The following DUSP4 variants were observed in gnomAD, a reference collection of about 807,000 sequenced individuals.
DUSP4 encodes the protein dual specificity protein phosphatase 4.
A neutral mutation model predicts 27.2 loss-of-function variants in DUSP4; 12 were observed. The observed-to-expected ratio is 0.44, with a 90% CI of 0.28 to 0.71. The LOEUF is 0.71. DUSP4 is among the 30% of genes least tolerant of loss of function. The probability of loss-of-function intolerance (pLI) is 0.14; values close to 1 mark genes in which losing one functional copy is unlikely to be tolerated. For missense variants in DUSP4, 448 were observed against 551.3 expected (o/e 0.81, Z 1.88); for synonymous variants, 257 against 245.2 (o/e 1.05, Z -0.45).
intron 1 of DUSP4, 35 bp from the exon 2 acceptor site, chr8:29,340,278 C>A: frequency 6.4e-7 from 1 of 1,560,746 alleles, no homozygotes; most frequent in South Asian, 1.2e-5. Context: ...TTAATGGGGT[C>A]ACTAAGCCAG....
chr8:29,338,176 T>G (rs1174275090), intron 3 of DUSP4, 106 bp downstream of exon 3: 3 of 1,184,578 alleles, frequency 2.5e-6, no homozygotes, highest in Non-Finnish European at 3.7e-6. Context: ...ATGGGGACCC[T>G]TGGATTCAGT....
intron 1 of DUSP4, among the ~76,000 whole-genome samples, chr8:29,345,074 C>T (rs766062027): frequency 6.6e-6 from 1 of 152,170 alleles, no homozygotes; most frequent in African/African-American, 2.4e-5. Context: ...CTGCCTGCCT[C>T]AGTCTCTCAA....
chr8:29,340,686 G>C (rs968997359), intron 1 of DUSP4, among the ~76,000 whole-genome samples: 4 of 152,072 alleles, frequency 2.6e-5, no homozygotes, highest in Non-Finnish European at 4.4e-5. Flanking sequence ...AGAAAGAAGG[G>C]AAAAAATGAC....
In DUSP4 at chr8:29,337,303, A is replaced by T; in HGVS notation, c.908T>A (p.Leu303Gln). 6.2e-7 allele frequency: 1 copy of T among 1,613,276 alleles called. No homozygotes were observed. The highest frequency in any genetic ancestry group is 8.5e-7 in the Non-Finnish European group (1 of 1,180,000). The part of the protein sequence containing the change: ...AYLMMKKRVR[L>Q]EEAFEFVKQR... ...CTTAACGAACTCGAAGGCCTCCTCC[A>T]GCCTCACCCGTTTCTTCATCATCAG... is the stretch of plus-strand genomic sequence containing the variant. Residue 303 changes from leucine to glutamine, a missense_variant, in exon 4 of 4, where the codon CTG becomes CAG. Coordinates refer to ENST00000240100, the MANE Select transcript of DUSP4 (RefSeq NM_001394.7). The surrounding 1 kb of genome is among the most constrained non-coding windows in gnomAD (Gnocchi z 6.4).
In DUSP4 at chr8:29,337,274, G is replaced by A. The variant is rs749288021; in HGVS notation, c.937C>T (p.Arg313Cys). The A allele has an allele frequency of 1.2e-6, 2 of 1,613,626 alleles. No individual in the cohort carries two copies. Among genetic ancestry groups the A allele is most frequent in the South Asian group, 1.1e-5 (1 of 91,080 alleles). Residue 313 changes from arginine (R) to cysteine (C), a missense_variant, in exon 4 of 4, where the codon CGC becomes TGC. By Grantham distance (180) the Arg-to-Cys change is radical. Around this residue, in one of 3 missense-constraint regions of DUSP4, gnomAD observed 100 missense variants for 139.8 expected, o/e 0.72. Coordinates refer to ENST00000240100, the MANE Select transcript of DUSP4 (RefSeq NM_001394.7). This position sits in a 1 kb window ranked among gnomAD's most constrained non-coding sequence, Gnocchi z 6.4. ...LEEAFEFVKQ[R>C]RSIISPNFSF... ...AAGTTGGGCGAGATGATGCTGCGGCGCTGCTTAACGAACTCGAAGGCCTCC... is the reference window on the plus strand; with the variant it reads ...AAGTTGGGCGAGATGATGCTGCGGCACTGCTTAACGAACTCGAAGGCCTCC...
intron 1 of DUSP4, chr8:29,347,889 C>A: frequency 1.0e-6 from 1 of 985,618 alleles, no homozygotes; most frequent in Non-Finnish European, 1.2e-6. Context: ...GGAGGGAGGA[C>A]TCTCAACGGG....
At position 29,336,868 on chromosome 8, in the gene DUSP4, T is replaced by G. The variant is rs1175055936; in HGVS notation, c.*158A>C. The stretch of plus-strand genomic sequence containing the variant: ...TTTTATTATGTATTCGGAGTCCTTA[T>G]TGCCATTCTGGCTGGCCTCGTCGTT... On this transcript the variant is annotated 3_prime_UTR_variant, in exon 4 of 4. Transcript: ENST00000240100. 9.3e-7 allele frequency: 1 copy of G among 1,070,430 alleles called. No homozygotes were observed. Among genetic ancestry groups the G allele is most frequent in the Non-Finnish European group, 1.3e-6 (1 of 770,528 alleles). 66.3% of individuals were successfully genotyped at this position (1,070,430 alleles called of 1,614,324 possible).
At chr8:29,347,337 T>A (rs571855922) in intron 1 of DUSP4, among the ~76,000 whole-genome samples, 1 of 152,280 alleles carries the variant, frequency 6.6e-6, no homozygotes, top group East Asian at 1.9e-4. Context: ...TTCTGACCTC[T>A]CTAGGGATGC....
At chr8:29,346,431 G>A (rs1422787461) in intron 1 of DUSP4, among the ~76,000 whole-genome samples, 3 of 152,190 alleles carry the variant, frequency 2.0e-5, no homozygotes, top group East Asian at 1.9e-4. Context: ...GGTTAATAAA[G>A]GCAAAGAATA....
intron 1 of DUSP4, among the ~76,000 whole-genome samples, chr8:29,346,319 T>A (rs1198597784): frequency 6.6e-6 from 1 of 152,166 alleles, no homozygotes; most frequent in Non-Finnish European, 1.5e-5. Flanking sequence ...AGCTTTTAAA[T>A]TAGAACTGAC....
intron 2 of DUSP4, 152 bp downstream of exon 2, chr8:29,339,946 G>C: frequency 9.4e-7 from 1 of 1,068,294 alleles, no homozygotes; most frequent in South Asian, 1.7e-5. Context: ...GCTGCAGTAA[G>C]CTATGATCAC....
chr8:29,340,272 T>C (rs1333287369), intron 1 of DUSP4, 29 bp from the exon 2 acceptor site: 3 of 1,578,478 alleles, frequency 1.9e-6, no homozygotes, highest in South Asian at 2.3e-5. Flanking sequence ...CTCAGGTTAA[T>C]GGGGTCACTA....
At chr8:29,348,464 G>A in intron 1 of DUSP4, 2 of 985,574 alleles carry the variant, frequency 2.0e-6, no homozygotes, top group Non-Finnish European at 2.4e-6. Context: ...GCAAAAGACA[G>A]CCCTCGCGGA....
intron 1 of DUSP4, 111 bp downstream of exon 1, chr8:29,349,735 C>A (rs1372501654): frequency 1.2e-5 from 16 of 1,354,826 alleles, no homozygotes; most frequent in African/African-American, 1.0e-4. Context: ...GCGCGGGGAT[C>A]CCCGCAACCA....
Position 29,350,296 on chromosome 8 carries a change from G to A in DUSP4, c.-18C>T. 1 of 1,553,368 alleles carries A rather than the reference G, an allele frequency of 6.4e-7. No individual in the cohort carries two copies. The highest frequency in any genetic ancestry group is 2.3e-5 in the East Asian group (1 of 44,070). On this transcript the variant is annotated 5_prime_UTR_variant, in exon 1 of 4. Coordinates refer to ENST00000240100, the MANE Select transcript of DUSP4 (RefSeq NM_001394.7). ...GTCACCATGGTCGCCGGGAACCGAG[G>A]CGGCTGGGCGCGCGAGGAAGAGAAG...
chr8:29,344,831 C>CT (rs1207397990), intron 1 of DUSP4, among the ~76,000 whole-genome samples: 469 of 144,830 alleles, frequency 3.2e-3, no homozygotes, highest in Middle Eastern at 0.011. Context: ...GGTCATGGAT[C>CT]TTTTTTTTTT....
intron 2 of DUSP4, among the ~76,000 whole-genome samples, chr8:29,338,847 G>C (rs1817616288): frequency 6.6e-6 from 1 of 152,236 alleles, no homozygotes; most frequent in African/African-American, 2.4e-5. Context: ...TAATCATCAA[G>C]CCATTTGCTG....
chr8:29,343,922 A>C (rs1817690278), intron 1 of DUSP4, among the ~76,000 whole-genome samples: 2 of 152,212 alleles, frequency 1.3e-5, no homozygotes, highest in Non-Finnish European at 2.9e-5. Context: ...CCCCAAATCC[A>C]TGCAAGTACC....
chr8:29,333,569 G>A lies in DUSP4; in HGVS notation c.*3457C>T, dbSNP rs1338434919. On this transcript the variant is annotated 3_prime_UTR_variant, in exon 4 of 4. Transcript: ENST00000240100. ...GCCATGCTGAGCCAGTGGCAAACCCGTGGCTGTGGTTTCCACAAGACAACC... is the reference window on the plus strand; with the variant it reads ...GCCATGCTGAGCCAGTGGCAAACCCATGGCTGTGGTTTCCACAAGACAACC... The A allele has an allele frequency of 6.6e-6, 1 of 152,226 alleles. No homozygotes were observed. Among genetic ancestry groups the A allele is most frequent in the Non-Finnish European group, 1.5e-5 (1 of 68,056 alleles). The allele number at this position is 152,226 out of a possible 1,614,324, so 9.4% of individuals were successfully genotyped here.
Sources: allele counts gnomAD v4.1 joint callset (sites outside exome capture counted in the v4.1 genomes callset), GRCh38; gene constraint gnomAD v4.1.1; regional missense constraint gnomAD v4.1.1; non-coding constraint Gnocchi (gnomAD v3.1); transcripts MANE v1.5; gene names NCBI Gene and HGNC (gene_info 2026-07-23, HGNC 2026-07-21).